The following GDAP1 variants were observed in gnomAD, a reference collection of about 807,000 sequenced individuals.
The protein encoded by GDAP1 is ganglioside-induced differentiation-associated protein 1.
In GDAP1, 34 loss-of-function variants were observed where a neutral mutation model predicts 40.1. The observed-to-expected ratio is 0.85, with a 90% CI of 0.64 to 1.13. The LOEUF is 1.13. Among genes scored for constraint, GDAP1 ranks in the 50% most tolerant of loss-of-function variants. The pLI is 0.00. For synonymous variants in GDAP1, 170 were observed against 157.4 expected, an observed-to-expected ratio of 1.08 and a Z score of -0.60; for missense variants, 374 against 433.7, an observed-to-expected ratio of 0.86 and a Z score of 1.22.
intron 2 of GDAP1, among the ~76,000 whole-genome samples, chr8:74,478,078 G>A (rs1806654501): frequency 1.3e-5 from 2 of 150,056 alleles, no homozygotes; most frequent in South Asian, 4.3e-4. Context: ...TTTTGTGCTG[G>A]CAGCAGTGTT....
intron 2 of GDAP1, among the ~76,000 whole-genome samples, chr8:74,428,368 G>A (rs887771237): frequency 6.6e-6 from 1 of 152,098 alleles, no homozygotes; most frequent in Non-Finnish European, 1.5e-5. Flanking sequence ...TGGTGTCCCC[G>A]ACCATCACAG....
intron 2 of GDAP1, among the ~76,000 whole-genome samples, chr8:74,435,275 A>C (rs12679070): frequency 0.29 from 43,472 of 152,078 alleles, 6,523 homozygotes; most frequent in Middle Eastern, 0.44. Context: ...GGAGTGGTAT[A>C]AAATATTGTA....
At chr8:74,418,708 A>G (rs560741069) in intron 2 of GDAP1, among the ~76,000 whole-genome samples, 7 of 152,322 alleles carry the variant, frequency 4.6e-5, no homozygotes, top group African/African-American at 1.7e-4. Context: ...GCTCTCTGTT[A>G]AGAGCTCTGC....
intron 2 of GDAP1, among the ~76,000 whole-genome samples, chr8:74,382,102 T>C (rs1197611339): frequency 6.6e-6 from 1 of 152,178 alleles, no homozygotes; most frequent in Admixed American, 6.5e-5. Flanking sequence ...TATTATGATT[T>C]ACACTTACTT....
intron 2 of GDAP1, among the ~76,000 whole-genome samples, chr8:74,462,278 A>G (rs1037004803): frequency 5.9e-5 from 9 of 152,148 alleles, no homozygotes; most frequent in Non-Finnish European, 1.2e-4. Context: ...TTCTAAGTGG[A>G]GCTATAATAG....
At chr8:74,373,513 G>A (rs1809792406) in intron 2 of GDAP1, among the ~76,000 whole-genome samples, 1 of 152,118 alleles carries the variant, frequency 6.6e-6, no homozygotes, top group Non-Finnish European at 1.5e-5. Context: ...TATTCTCTTT[G>A]AAGCAATTGT....
chr8:74,463,538 T>G (rs970301111), intron 2 of GDAP1, among the ~76,000 whole-genome samples: 2 of 152,040 alleles, frequency 1.3e-5, no homozygotes, highest in Admixed American at 1.3e-4. Context: ...GATCAAAGGA[T>G]TCTTGCTGCA....
intron 2 of GDAP1, among the ~76,000 whole-genome samples, chr8:74,480,968 A>C (rs141260294): frequency 6.6e-6 from 1 of 152,196 alleles, no homozygotes. Context: ...TGGGGGTCTT[A>C]GTTTGTTTTG....
chr8:74,355,221 T>C (rs1484104842), intron 2 of GDAP1, among the ~76,000 whole-genome samples: 2 of 152,148 alleles, frequency 1.3e-5, no homozygotes, highest in Non-Finnish European at 2.9e-5. Context: ...TAGACATGAA[T>C]GATGCTCCTG....
chr8:74,475,565 T>G (rs1208618175), intron 2 of GDAP1, among the ~76,000 whole-genome samples: 1 of 152,224 alleles, frequency 6.6e-6, no homozygotes, highest in East Asian at 1.9e-4. Context: ...AGGAACAGGT[T>G]TTTAAATTTC....
chr8:74,455,623 C>T (rs1806327172), intron 2 of GDAP1, among the ~76,000 whole-genome samples: 1 of 151,910 alleles, frequency 6.6e-6, no homozygotes, highest in Non-Finnish European at 1.5e-5. Flanking sequence ...TGAGTGATAA[C>T]ATTAGATCAT....
At chr8:74,363,444 T>C (rs1809471073) in intron 5 of GDAP1, among the ~76,000 whole-genome samples, 1 of 152,240 alleles carries the variant, frequency 6.6e-6, no homozygotes, top group African/African-American at 2.4e-5. Flanking sequence ...ATCTGTAGAC[T>C]GGCTGGTAAG....
chr8:74,380,502 C>CTTT (rs5892455), intron 2 of GDAP1, among the ~76,000 whole-genome samples: 1 of 148,982 alleles, frequency 6.7e-6, no homozygotes, highest in Non-Finnish European at 1.5e-5. Flanking sequence ...CCTACAGAGT[C>CTTT]TTTTTTTTTT....
chr8:74,465,066 A>G (rs773956116), intron 2 of GDAP1, among the ~76,000 whole-genome samples: 3 of 151,802 alleles, frequency 2.0e-5, no homozygotes, highest in East Asian at 3.9e-4. Context: ...CTAAAATACA[A>G]CAAGTTAGCT....
intron 2 of GDAP1, among the ~76,000 whole-genome samples, chr8:74,477,240 C>A (rs1009255608): frequency 1.3e-5 from 2 of 152,162 alleles, no homozygotes; most frequent in African/African-American, 4.8e-5. Flanking sequence ...TTTTCTTGAA[C>A]CTCAGTGATC....
In GDAP1 at chr8:74,416,381, A is replaced by G. The variant is rs1468158215; in HGVS notation, c.165+65060A>G. On this transcript the variant is annotated intron_variant, in intron 2 of 2. Transcript: ENST00000523640. ...TCTGCCACCTCTTGGCTGGAGGCCA[A>G]TAAACACAGTCCATTACAACATCTG... Among the ~76,000 whole-genome samples, 4 of 150,140 alleles carry G rather than the reference A, an allele frequency of 2.7e-5. 1 individual carries two copies. Among genetic ancestry groups the G allele is most frequent in the African/African-American group, 1.0e-4 (4 of 39,434 alleles).
rs1809869585 is a variant in GDAP1 at position 74,377,133 on chromosome 8, T to C, written c.165+25812T>C. Among the ~76,000 whole-genome samples the C allele has an allele frequency of 3.9e-5, 6 of 152,118 alleles. 1 individual carries two copies. The highest frequency in any genetic ancestry group is 3.9e-4 in the Admixed American group (6 of 15,272). On this transcript the variant is annotated intron_variant, in intron 2 of 2. Transcript: ENST00000523640. ...GAAGAAAATAAAGAAAACATTTATT[T>C]TGGGACTGGAAAAGATTACTAGAAA...
intron 2 of GDAP1, among the ~76,000 whole-genome samples, chr8:74,355,775 G>A (rs1218755612): frequency 2.0e-5 from 3 of 152,044 alleles, no homozygotes; most frequent in Admixed American, 6.5e-5. Context: ...ATGGATTTTT[G>A]TGATTTAATG....
In GDAP1 at chr8:74,363,020, A is replaced by C; in HGVS notation, c.661A>C (p.Thr221Pro). 1 of 1,563,796 alleles carries C rather than the reference A, an allele frequency of 6.4e-7. No individual in the cohort carries two copies. Among genetic ancestry groups the C allele is most frequent in the Non-Finnish European group, 8.8e-7 (1 of 1,134,552 alleles). Residue 221 changes from threonine to proline, a missense_variant, in exon 5 of 6, where the codon ACT becomes CCT. Transcript: ENST00000220822. ...ELEKVLDQVE[T>P]ELQRRNEETP... ...GGAGAAAGTCTTGGATCAGGTTGAA[A>C]CTGAATTGCAAAGAAGAAATGAAGA...
Sources: allele counts gnomAD v4.1 joint callset (sites outside exome capture counted in the v4.1 genomes callset), GRCh38; gene constraint gnomAD v4.1.1; transcripts MANE v1.5; gene names NCBI Gene and HGNC (gene_info 2026-07-23, HGNC 2026-07-21).